The following HGF variants were observed in gnomAD, a reference collection of about 807,000 sequenced individuals.
The protein encoded by HGF is fibroblast-derived tumor cytotoxic factor.
Under a neutral mutation model 111.6 loss-of-function variants are expected in HGF, and 39 were observed. The observed-to-expected ratio is 0.35, with a 90% confidence interval of 0.27 to 0.46. The LOEUF (loss-of-function observed/expected upper bound fraction) is 0.46, where lower values mean the gene tolerates loss of function less well. Ranked by LOEUF, HGF falls within the 20% of genes least tolerant of loss-of-function variation. The pLI, the probability that HGF is intolerant of heterozygous loss-of-function variation, is 1.00. For synonymous variants in HGF, 285 were observed against 294.8 expected, an observed-to-expected ratio of 0.97 and a Z score of 0.34; for missense variants, 735 against 910.5, an observed-to-expected ratio of 0.81 and a Z score of 2.48.
chr7:81,701,316 T>G lies in HGF; in HGVS notation c.*1265A>C, dbSNP rs539282857. On this transcript the variant is annotated 3_prime_UTR_variant, in exon 18 of 18. Transcript: ENST00000222390. ...AAATGAATACAGAGTTGAGACAAAC[T>G]AGTTTCTTTCCTTTTACAAGTTGTC... 1 of 151,570 alleles carries G rather than the reference T, an allele frequency of 6.6e-6. No individual in the cohort carries two copies. The highest frequency in any genetic ancestry group is 2.4e-5 in the African/African-American group (1 of 41,488). The allele number at this position is 151,570 out of a possible 1,614,324, so 9.4% of individuals were successfully genotyped here.
chr7:81,764,248 T>C (rs571485488), intron 1 of HGF, among the ~76,000 whole-genome samples: 2 of 152,132 alleles, frequency 1.3e-5, no homozygotes, highest in Non-Finnish European at 2.9e-5. Flanking sequence ...CAGATGCTAC[T>C]AATTAGTGTC....
intron 7 of HGF, among the ~76,000 whole-genome samples, chr7:81,742,298 C>G (rs764024608): frequency 6.6e-6 from 1 of 152,120 alleles, no homozygotes; most frequent in Non-Finnish European, 1.5e-5. Flanking sequence ...TCGGCAGTAC[C>G]ATAGTGTGGA....
intron 7 of HGF, among the ~76,000 whole-genome samples, chr7:81,735,433 C>T (rs553213655): frequency 2.6e-4 from 39 of 152,058 alleles, no homozygotes; most frequent in African/African-American, 9.4e-4. Context: ...ACACAGGACA[C>T]AAGATTTTAT....
intron 8 of HGF, 83 bp from the exon 9 acceptor site, chr7:81,726,100 G>T: frequency 7.5e-7 from 1 of 1,328,124 alleles, no homozygotes; most frequent in Non-Finnish European, 1.1e-6. Flanking sequence ...TAGAATTCTA[G>T]AATGTATGCA....
At chr7:81,760,813 T>C (rs1413586731) in intron 2 of HGF, among the ~76,000 whole-genome samples, 1 of 151,886 alleles carries the variant, frequency 6.6e-6, no homozygotes, top group Non-Finnish European at 1.5e-5. Context: ...TTGCCATAAA[T>C]TTGGAGAATA....
At chr7:81,733,203 C>A (rs1787722122) in intron 7 of HGF, among the ~76,000 whole-genome samples, 1 of 151,660 alleles carries the variant, frequency 6.6e-6, no homozygotes, top group Non-Finnish European at 1.5e-5. Flanking sequence ...GCTTTGGATT[C>A]AATAATTTAA....
intron 7 of HGF, among the ~76,000 whole-genome samples, chr7:81,735,672 T>A (rs1787803472): frequency 6.6e-6 from 1 of 152,124 alleles, no homozygotes; most frequent in Admixed American, 6.6e-5. Flanking sequence ...TTTGTATATT[T>A]GTTTCCAATG....
intron 5 of HGF, among the ~76,000 whole-genome samples, chr7:81,748,127 C>T (rs1453349950): frequency 1.3e-5 from 2 of 152,088 alleles, no homozygotes; most frequent in Non-Finnish European, 1.5e-5. Flanking sequence ...TGCATTATCC[C>T]AAACTGCCTT....
At chr7:81,725,783 C>G (rs1789989225) in intron 9 of HGF, 107 bp downstream of exon 9, 4 of 1,295,846 alleles carry the variant, frequency 3.1e-6, no homozygotes, top group Non-Finnish European at 4.5e-6. Context: ...TGCAAGCCAG[C>G]AAAACCAGTG....
rs2115904343 is a variant in HGF, at chr7:81,725,986, C to A, written c.1072G>T (p.Asp358Tyr). The stretch of plus-strand genomic sequence containing the variant: ...AAACACCAGGGTGATTCAGACCCAT[C>A]TGGATTTCGGCAGTAATTTTCTCGT... ...DLRENYCRNP[D>Y]GSESPWCFTT... Residue 358 changes from aspartate to tyrosine, a missense_variant, in exon 9 of 18, where the codon GAT becomes TAT. Around this residue, in one of 3 missense-constraint regions of HGF, gnomAD observed 553 missense variants for 685.6 expected, o/e 0.81. Transcript: ENST00000222390. 6.2e-7 allele frequency: 1 copy of A among 1,613,934 alleles called. No individual in the cohort carries two copies. The highest frequency in any genetic ancestry group is 1.6e-4 in the Middle Eastern group (1 of 6,062).
In HGF at chr7:81,699,664, T is replaced by C. The variant is rs1044294871; in HGVS notation, c.*2917A>G. 1 of 151,678 alleles carries C rather than the reference T, an allele frequency of 6.6e-6. No individual in the cohort carries two copies. Among genetic ancestry groups the C allele is most frequent in the South Asian group, 2.1e-4 (1 of 4,826 alleles). 9.4% of individuals were successfully genotyped at this position (151,678 alleles called of 1,614,324 possible). A position where few individuals can be genotyped will look rare whatever the true frequency, so the allele number is the denominator to read the frequency against. On this transcript the variant is annotated 3_prime_UTR_variant, in exon 18 of 18. Transcript: ENST00000222390. ...TGCCTGACAGCAATTTCCCACTTCT[T>C]GACAGTGTTCTTTTCAAGAGAATGT...
At position 81,710,236 on chromosome 7, in the gene HGF, T is replaced by C. The variant is rs759566751; in HGVS notation, c.1452A>G (p.Val484=). Residue 484 remains valine (V), a synonymous_variant, in exon 13 of 18, where the codon GTA becomes GTG. Coordinates refer to ENST00000222390, the MANE Select transcript of HGF (RefSeq NM_000601.6). ...ATTGTTTCGTTTTGGCACAAGATAT[T>C]ACGGGATCTGAAACAGGACCAAACA... ...TPTIVNLDHP[V]ISCAKTKQLR... is the part of the protein sequence containing the mutation. 5 of 1,610,196 alleles carry C rather than the reference T, an allele frequency of 3.1e-6. No homozygotes were observed. The highest frequency in any genetic ancestry group is 1.7e-5 in the Admixed American group (1 of 59,956).
intron 4 of HGF, chr7:81,756,179 T>C (rs1193685446): frequency 1.6e-6 from 1 of 608,040 alleles, no homozygotes; most frequent in Non-Finnish European, 2.9e-6. Flanking sequence ...TCTGGCCATG[T>C]CACTTCCTAG....
chr7:81,750,495 C>G (rs1320299350), intron 5 of HGF, among the ~76,000 whole-genome samples: 1 of 152,142 alleles, frequency 6.6e-6, no homozygotes, highest in African/African-American at 2.4e-5. Context: ...ATTAAAGATA[C>G]TAGACAGTTA....
intron 7 of HGF, among the ~76,000 whole-genome samples, chr7:81,735,156 A>G (rs1787786326): frequency 6.6e-6 from 1 of 152,126 alleles, no homozygotes; most frequent in Admixed American, 6.6e-5. Context: ...TTGTTTTAAA[A>G]TTGACATGGG....
intron 5 of HGF, 152 bp from the exon 6 acceptor site, chr7:81,745,272 A>T (rs1788191206): frequency 1.3e-6 from 1 of 752,788 alleles, no homozygotes; most frequent in Non-Finnish European, 2.3e-6. Context: ...TAATGTCTAT[A>T]AATAGTGACA....
chr7:81,727,516 C>T (rs1453478500), intron 8 of HGF, among the ~76,000 whole-genome samples: 1 of 152,010 alleles, frequency 6.6e-6, no homozygotes, highest in African/African-American at 2.4e-5. Flanking sequence ...CATATTCAAA[C>T]CTTTAGCCTT....
At chr7:81,708,524 C>CTTTTTTTTTTTTTTTTTTTT (rs3081099) in intron 13 of HGF, among the ~76,000 whole-genome samples, 1 of 72,472 alleles carries the variant, frequency 1.4e-5, no homozygotes, top group Non-Finnish European at 2.4e-5. Flanking sequence ...TTCCTTCCTT[C>CTTTTTTTTTTTTTTTTTTTT]TTTTTTTTTT....
chr7:81,749,378 T>A (rs2116087241), intron 5 of HGF, among the ~76,000 whole-genome samples: 1 of 152,268 alleles, frequency 6.6e-6, no homozygotes, highest in East Asian at 1.9e-4. Flanking sequence ...AAATGGATTT[T>A]GCATACCTCA....
Sources: gnomAD v4.1 joint callset for allele counts (sites outside exome capture counted in the v4.1 genomes callset) on GRCh38, gnomAD v4.1.1 for gene constraint, gnomAD v4.1.1 regional missense constraint, MANE v1.5 for transcripts, NCBI Gene and HGNC (gene_info 2026-07-23, HGNC 2026-07-21) for gene names.